Variants in GRHPR observed in about 807,000 individuals in gnomAD.
GRHPR encodes the protein glyoxylate and hydroxypyruvate reductase.
In GRHPR, 35 loss-of-function variants were observed where a neutral mutation model predicts 36.8. The observed-to-expected ratio is 0.95, with a 90% confidence interval of 0.73 to 1.26. The LOEUF (loss-of-function observed/expected upper bound fraction) is 1.26, where lower values mean the gene tolerates loss of function less well. GRHPR is among the 50% of genes most tolerant of loss of function. The probability of loss-of-function intolerance (pLI) is 0.00; values close to 1 mark genes in which losing one functional copy is unlikely to be tolerated. For missense variants in GRHPR, 380 were observed against 435.0 expected (o/e 0.87, Z 1.12); for synonymous variants, 179 against 181.0 (o/e 0.99, Z 0.09).
intron 8 of GRHPR, chr9:37,432,910 CATTTCTGCTGTGCCAGCT>C (rs1466565344): frequency 6.6e-6 from 1 of 152,668 alleles, no homozygotes; most frequent in African/African-American, 2.4e-5. Flanking sequence ...CTGCACACCC[CATTTCTGCTGTGCCAGCT>C]GCACTGGCAG....
intron 1 of GRHPR, 36 bp from the exon 2 acceptor site, chr9:37,424,809 C>T (rs1271231889): frequency 6.2e-7 from 1 of 1,606,180 alleles, no homozygotes; most frequent in Non-Finnish European, 8.5e-7. Context: ...AGGTGTGCGG[C>T]TCCTGCTTCT....
intron 1 of GRHPR, among the ~76,000 whole-genome samples, chr9:37,423,050 G>T (rs1822912064): frequency 1.3e-5 from 2 of 152,196 alleles, no homozygotes; most frequent in Admixed American, 1.3e-4. Flanking sequence ...CAAGGTCCAG[G>T]CTAATTCTCC....
intron 1 of GRHPR, 116 bp from the exon 2 acceptor site, chr9:37,424,729 C>A (rs1024834990): frequency 4.0e-6 from 5 of 1,256,186 alleles, no homozygotes; most frequent in Non-Finnish European, 5.5e-6. Flanking sequence ...TGCCTCCCCT[C>A]AGCCAGCCCC....
intron 7 of GRHPR, 172 bp downstream of exon 7, chr9:37,430,818 C>T (rs1257285389): frequency 8.4e-6 from 6 of 717,164 alleles, no homozygotes; most frequent in Admixed American, 2.0e-5. Context: ...GACCTCCGTA[C>T]AGGGAAGAAG....
chr9:37,433,952 G>A (rs569360561), intron 8 of GRHPR: 8 of 397,118 alleles, frequency 2.0e-5, no homozygotes, highest in East Asian at 7.1e-5. Flanking sequence ...AAACTCTCCC[G>A]TCCCTCCCCC....
chr9:37,435,109 T>C (rs1164109512), intron 8 of GRHPR, among the ~76,000 whole-genome samples: 1 of 152,046 alleles, frequency 6.6e-6, no homozygotes, highest in East Asian at 1.9e-4. Context: ...AAATTAGCCA[T>C]GTGTAATGGT....
downstream of GRHPR, chr9:37,438,184 G>A (rs1823758295): frequency 6.6e-6 from 1 of 152,606 alleles, no homozygotes; most frequent in African/African-American, 2.4e-5. Context: ...TGGATGCCTT[G>A]ATAGAACTCC....
At chr9:37,438,405 A>G (rs1823767558), downstream of GRHPR, 1 of 152,644 alleles carries the variant, frequency 6.6e-6, no homozygotes, top group Non-Finnish European at 1.5e-5. Flanking sequence ...CTGGCCCACA[A>G]GCTTGCTTCT....
chr9:37,432,163 A>G, intron 8 of GRHPR, 25 bp downstream of exon 8: 2 of 1,612,726 alleles, frequency 1.2e-6, no homozygotes, highest in Non-Finnish European at 1.7e-6. Context: ...TTCTGATGCA[A>G]ACTCCCTGCT....
chr9:37,422,935 A>G (rs1588747501), intron 1 of GRHPR, 102 bp downstream of exon 1: 4 of 801,736 alleles, frequency 5.0e-6, no homozygotes, highest in Non-Finnish European at 8.0e-6. Flanking sequence ...GCAGGCTTGG[A>G]GTTTTGGGGA....
Position 37,426,807 on chromosome 9 carries a change from T to C in GRHPR, c.404+153T>C, listed in dbSNP as rs2768658. 0.61 allele frequency among the ~76,000 whole-genome samples: 93,194 copies of C among 151,798 alleles called. 30,164 individuals carry two copies. Among genetic ancestry groups the C allele is most frequent in the Admixed American group, 0.73 (11,148 of 15,278 alleles). Reference sequence around the variant, plus strand: ...TAGTAAAAATACAAAAAAAATTAGCTGGGTGTGGTGGTGGGTCCCTGTAAT... The same window carrying C: ...TAGTAAAAATACAAAAAAAATTAGCCGGGTGTGGTGGTGGGTCCCTGTAAT... On this transcript the variant is annotated intron_variant, in intron 4 of 8. Transcript: ENST00000318158.
intron 3 of GRHPR, 80 bp downstream of exon 3, chr9:37,426,074 A>G: frequency 1.0e-6 from 1 of 962,368 alleles, no homozygotes; most frequent in Non-Finnish European, 1.7e-6. Flanking sequence ...ATTTGTTTTT[A>G]CTGCATATCC....
rs528909225 is a variant in GRHPR, at chr9:37,430,536, A to G, written c.624A>G (p.Gln208=). Residue 208 remains glutamine (Q), a synonymous_variant, in exon 7 of 9, where the codon CAA becomes CAG. Coordinates refer to ENST00000318158, the MANE Select transcript of GRHPR (RefSeq NM_012203.2). The part of the protein sequence containing the change: ...EFVSTPELAA[Q]SDFIVVACSL... ...TGTCTACCCCTGAGCTGGCTGCCCA[A>G]TCTGATTTCATCGTCGTGGCCTGCT... 7 of 1,613,898 alleles carry G rather than the reference A, an allele frequency of 4.3e-6. No homozygotes were observed. The highest frequency in any genetic ancestry group is 3.3e-5 in the South Asian group (3 of 91,072).
chr9:37,430,429 C>T (rs1382857411), intron 6 of GRHPR, 82 bp from the exon 7 acceptor site: 22 of 1,209,528 alleles, frequency 1.8e-5, no homozygotes, highest in East Asian at 4.6e-5. Flanking sequence ...GTTAGGGAGT[C>T]GGGAGCAAGG....
chr9:37,429,785 A>T lies in GRHPR; in HGVS notation c.547A>T (p.Thr183Ser). Residue 183 changes from threonine (T) to serine (S), a missense_variant, in exon 6 of 9, where the codon ACA (threonine) becomes TCA (serine). Coordinates refer to ENST00000318158, the MANE Select transcript of GRHPR (RefSeq NM_012203.2). ...ATTCGGTGTCCAGAGATTTCTGTAC[A>T]CAGGGCGCCAGCCCAGGCCTGAGGA... ...KPFGVQRFLY[T>S]GRQPRPEEAA... 1 of 1,613,620 alleles carries T rather than the reference A, an allele frequency of 6.2e-7. No individual in the cohort carries two copies.
intron 7 of GRHPR, 83 bp from the exon 8 acceptor site, chr9:37,431,925 T>A: frequency 6.7e-7 from 1 of 1,483,056 alleles, no homozygotes; most frequent in Non-Finnish European, 9.4e-7. Flanking sequence ...AGTGGAAAAA[T>A]TCATTCTGTA....
At chr9:37,438,541 C>T (rs2118923730), downstream of GRHPR, 1 of 152,362 alleles carries the variant, frequency 6.6e-6, no homozygotes, top group Admixed American at 6.5e-5. Context: ...TATGCTTCAG[C>T]AGAGGTAAGC....
intron 1 of GRHPR, 54 bp from the exon 2 acceptor site, chr9:37,424,791 G>A: frequency 6.3e-7 from 1 of 1,584,782 alleles, no homozygotes; most frequent in Non-Finnish European, 8.6e-7. Flanking sequence ...GCTGGGAGGG[G>A]CGGGGACAGG....
rs750579346 is a variant in GRHPR at position 37,430,741 on chromosome 9, C to A, written c.734+95C>A. ...TCTTCCCCGTGGGTTGTTGGTGAGA[C>A]CCCAGGCTGAGCTTGCTGGTTTCCA... On this transcript the variant is annotated intron_variant, in intron 7 of 8. Coordinates refer to ENST00000318158, the MANE Select transcript of GRHPR (RefSeq NM_012203.2). The A allele has an allele frequency of 2.6e-6, 3 of 1,170,042 alleles. No homozygotes were observed. In the South Asian group the frequency reaches 3.8e-5, roughly 15 times the overall value. The allele number at this position is 1,170,042 out of a possible 1,614,324, so 72.5% of individuals were successfully genotyped here. A position where few individuals can be genotyped will look rare whatever the true frequency, so the allele number is the denominator to read the frequency against.
Sources: gnomAD v4.1 joint callset for allele counts (sites outside exome capture counted in the v4.1 genomes callset) on GRCh38, gnomAD v4.1.1 for gene constraint, MANE v1.5 for transcripts, NCBI Gene and HGNC (gene_info 2026-07-23, HGNC 2026-07-21) for gene names.